The following UNC5B variants were observed in gnomAD, a reference collection of about 807,000 sequenced individuals.
The protein encoded by UNC5B is netrin receptor UNC5B.
UNC5B carries 56 observed loss-of-function variants against 103.7 expected under a neutral mutation model. The observed-to-expected ratio is 0.54, with a 90% CI of 0.44 to 0.67. The LOEUF (loss-of-function observed/expected upper bound fraction) is 0.67, where lower values mean the gene tolerates loss of function less well. Among genes scored for constraint, UNC5B ranks in the 30% least tolerant of loss-of-function variants. UNC5B has a pLI of 0.00. For missense variants in UNC5B, 1,194 were observed against 1,284.5 expected (o/e 0.93, Z 1.08); for synonymous variants, 577 against 542.0 (o/e 1.06, Z -0.90).
At chr10:71,233,398 C>A (rs1843719071) in intron 1 of UNC5B, among the ~76,000 whole-genome samples, 1 of 152,200 alleles carries the variant, frequency 6.6e-6, no homozygotes, top group Non-Finnish European at 1.5e-5. Flanking sequence ...TCCCTAGCCT[C>A]TGAATAAATA....
rs1845521111 is a variant in UNC5B at position 71,299,094 on chromosome 10, C to A, written c.2673-18C>A. 6.2e-7 allele frequency: 1 copy of A among 1,613,728 alleles called. No individual in the cohort carries two copies. Among genetic ancestry groups the A allele is most frequent in the Non-Finnish European group, 8.5e-7 (1 of 1,179,676 alleles). On this transcript the variant is annotated intron_variant, in intron 16 of 16. Coordinates refer to ENST00000335350, the MANE Select transcript of UNC5B (RefSeq NM_170744.5). The stretch of plus-strand genomic sequence containing the variant: ...GCTAAGTGCTTGGGAACCTCAGTGC[C>A]CTCCTTCCCTCTGCCAGGTACCTGA...
intron 1 of UNC5B, among the ~76,000 whole-genome samples, chr10:71,253,358 C>T (rs1264374739): frequency 6.6e-6 from 1 of 152,228 alleles, no homozygotes; most frequent in Non-Finnish European, 1.5e-5. Flanking sequence ...GTTTGGGTGT[C>T]CTTCCCTTCC....
rs1845528530 is a variant in UNC5B, at chr10:71,299,285, G to A, written c.*8G>A. ...ACCGACGGGGACTGCTGAGCCTCCT[G>A]GGACAGCGGGCTGGCAGGGACTGGC... On this transcript the variant is annotated 3_prime_UTR_variant, in exon 17 of 17. Coordinates refer to ENST00000335350, the MANE Select transcript of UNC5B (RefSeq NM_170744.5). 6.2e-7 allele frequency: 1 copy of A among 1,613,444 alleles called. No homozygotes were observed. Among genetic ancestry groups the A allele is most frequent in the Non-Finnish European group, 8.5e-7 (1 of 1,179,930 alleles).
chr10:71,233,043 T>C (rs957399820), intron 1 of UNC5B, among the ~76,000 whole-genome samples: 4 of 152,242 alleles, frequency 2.6e-5, no homozygotes, highest in Non-Finnish European at 5.9e-5. Flanking sequence ...CCTCTGAATG[T>C]GGTCTGCAGT....
At position 71,212,692 on chromosome 10, in the gene UNC5B, G is replaced by A. The variant is rs1281656900; in HGVS notation, c.-294G>A. On this transcript the variant is annotated 5_prime_UTR_variant, in exon 1 of 17. Transcript: ENST00000335350. ...CCGCTGCGAGCGCCACTGAGCGGTC[G>A]CGCAACTTCGGAGGCACAGCGCCGG... is the stretch of plus-strand genomic sequence containing the variant. 4.3e-5 allele frequency: 12 copies of A among 280,126 alleles called. No homozygotes were observed. The highest frequency in any genetic ancestry group is 2.7e-4 in the Admixed American group (5 of 18,764). 17.4% of individuals were successfully genotyped at this position (280,126 alleles called of 1,614,324 possible).
intron 1 of UNC5B, among the ~76,000 whole-genome samples, chr10:71,248,794 C>G (rs1300162432): frequency 6.6e-6 from 1 of 152,004 alleles, no homozygotes; most frequent in African/African-American, 2.4e-5. Context: ...TTGACATGCA[C>G]CCACTTACAG....
chr10:71,231,835 G>C (rs78188068), intron 1 of UNC5B, among the ~76,000 whole-genome samples: 8,336 of 152,160 alleles, frequency 0.055, 714 homozygotes, highest in African/African-American at 0.19. Flanking sequence ...CTGGCACCTA[G>C]GTCCCACCCA....
At chr10:71,244,919 G>C (rs1026834297) in intron 1 of UNC5B, among the ~76,000 whole-genome samples, 11 of 152,356 alleles carry the variant, frequency 7.2e-5, no homozygotes, top group African/African-American at 2.6e-4. Context: ...CAGTTCTCCA[G>C]CAGCCAGATG....
At chr10:71,243,193 T>A (rs1216150688) in intron 1 of UNC5B, among the ~76,000 whole-genome samples, 1 of 151,978 alleles carries the variant, frequency 6.6e-6, no homozygotes, top group Non-Finnish European at 1.5e-5. Context: ...TCAGATCTCA[T>A]CACGGCACTC....
chr10:71,259,436 C>G (rs1202937448), intron 1 of UNC5B, among the ~76,000 whole-genome samples: 1 of 151,344 alleles, frequency 6.6e-6, no homozygotes, highest in Non-Finnish European at 1.5e-5. Flanking sequence ...TAATCTTGGA[C>G]TTGGGCAGCC....
In UNC5B at chr10:71,213,007, CG is replaced by C; in HGVS notation, c.26del (p.Gly9AlafsTer15). 2 of 1,410,512 alleles carry C rather than the reference CG, an allele frequency of 1.4e-6. No individual in the cohort carries two copies. The highest frequency in any genetic ancestry group is 1.6e-5 in the South Asian group (1 of 60,742). 87.4% of individuals were successfully genotyped at this position (1,410,512 alleles called of 1,614,324 possible). ...GAGCATGGGGGCCCGGAGCGGAGCT[CG>C]GGGCGCGCTGCTGCTGGCACTGCTG... MGARSGA[R>X]GALLLALLLC... On this transcript the variant is annotated frameshift_variant, in exon 1 of 17. Transcript: ENST00000335350. LOFTEE classifies it high-confidence loss of function. The surrounding 1 kb of genome is among the most constrained non-coding windows in gnomAD (Gnocchi z 4.1).
At chr10:71,222,540 G>A (rs1221168476) in intron 1 of UNC5B, among the ~76,000 whole-genome samples, 2 of 151,834 alleles carry the variant, frequency 1.3e-5, no homozygotes, top group Non-Finnish European at 2.9e-5. Context: ...CGATTTGGCT[G>A]ACCTCTGGAT....
intron 3 of UNC5B, 108 bp downstream of exon 3, chr10:71,284,971 G>T: frequency 6.8e-7 from 1 of 1,469,230 alleles, no homozygotes; most frequent in East Asian, 2.3e-5. Flanking sequence ...ATCCCTGGCT[G>T]AGGATGCCCA....
intron 1 of UNC5B, among the ~76,000 whole-genome samples, chr10:71,236,853 C>T (rs1008490443): frequency 3.3e-5 from 5 of 152,206 alleles, no homozygotes; most frequent in African/African-American, 1.2e-4. Context: ...CTTCTCTGTG[C>T]CTCGCTCCAA....
At chr10:71,240,962 C>A (rs1374492041) in intron 1 of UNC5B, among the ~76,000 whole-genome samples, 1 of 152,210 alleles carries the variant, frequency 6.6e-6, no homozygotes, top group Non-Finnish European at 1.5e-5. Flanking sequence ...GCCTGCGAAT[C>A]CAAGATTCTA....
Position 71,299,005 on chromosome 10 carries a change from A to G in UNC5B, c.2673-107A>G, listed in dbSNP as rs954671386. ...TGCAATTCAGACCCAGGACAGTGGG[A>G]CACCAAAGCTCACAGCCTTCCCACT... On this transcript the variant is annotated intron_variant, in intron 16 of 16. Transcript: ENST00000335350. 9.1e-6 allele frequency: 13 copies of G among 1,436,016 alleles called. No homozygotes were observed. The Middle Eastern group carries it at 9.3e-4, about 103-fold the overall frequency. The allele number at this position is 1,436,016 out of a possible 1,614,324, so 89.0% of individuals were successfully genotyped here.
At chr10:71,220,270 G>A (rs183178607) in intron 1 of UNC5B, among the ~76,000 whole-genome samples, 2 of 152,320 alleles carry the variant, frequency 1.3e-5, no homozygotes, top group African/African-American at 4.8e-5. Flanking sequence ...GCACTGGTAG[G>A]GATCATATTG....
At chr10:71,245,368 A>G (rs1182585941) in intron 1 of UNC5B, among the ~76,000 whole-genome samples, 1 of 152,164 alleles carries the variant, frequency 6.6e-6, no homozygotes, top group Non-Finnish European at 1.5e-5. Flanking sequence ...CCGTGAGCCT[A>G]GCTCTGTCTT....
chr10:71,252,408 C>A (rs1267135715), intron 1 of UNC5B, among the ~76,000 whole-genome samples: 1 of 152,232 alleles, frequency 6.6e-6, no homozygotes, highest in Admixed American at 6.5e-5. Flanking sequence ...ACGCCCTCCA[C>A]CTCACTGCCT....
Sources: gnomAD v4.1 joint callset for allele counts (sites outside exome capture counted in the v4.1 genomes callset) on GRCh38, gnomAD v4.1.1 for gene constraint, Gnocchi (gnomAD v3.1) non-coding constraint, MANE v1.5 for transcripts, NCBI Gene and HGNC (gene_info 2026-07-23, HGNC 2026-07-21) for gene names.